Variants in RNF150 observed in about 807,000 individuals in gnomAD.
RNF150 encodes the protein ring finger protein 150.
In RNF150, 24 loss-of-function variants were observed where a neutral mutation model predicts 39.3. The ratio of observed to expected loss-of-function variants is 0.61; its 90% CI spans 0.44 to 0.86. The LOEUF (loss-of-function observed/expected upper bound fraction) is 0.86, where lower values mean the gene tolerates loss of function less well. Among genes scored for constraint, RNF150 ranks in the 40% least tolerant of loss-of-function variants. The pLI is 0.00. For synonymous variants in RNF150, 255 were observed against 227.3 expected (o/e 1.12, Z -1.10); for missense variants, 502 against 587.8 (o/e 0.85, Z 1.51).
intron 1 of RNF150, among the ~76,000 whole-genome samples, chr4:141,211,325 G>A (rs1331835569): frequency 6.6e-6 from 1 of 152,058 alleles, no homozygotes; most frequent in African/African-American, 2.4e-5. Flanking sequence ...AGAAGCAGAT[G>A]GTATTAGATA....
chr4:141,168,246 T>C (rs941590471), intron 1 of RNF150, among the ~76,000 whole-genome samples: 1 of 152,196 alleles, frequency 6.6e-6, no homozygotes, highest in Non-Finnish European at 1.5e-5. Context: ...CACAATGAGA[T>C]ACCATCTCAC....
In RNF150 at chr4:140,868,120, T is replaced by G; in HGVS notation, c.*141A>C. On this transcript the variant is annotated 3_prime_UTR_variant, in exon 7 of 7. Transcript: ENST00000515673. ...GATTGACAAGACTTTGGATATTGCT[T>G]TTCGTCAGCATTCTTGAACGGAGCG... The G allele has an allele frequency of 1.6e-6, 1 of 614,854 alleles. No individual in the cohort carries two copies. The highest frequency in any genetic ancestry group is 2.9e-6 in the Non-Finnish European group (1 of 341,394). The allele number at this position is 614,854 out of a possible 1,614,324, so 38.1% of individuals were successfully genotyped here.
chr4:141,195,093 T>G (rs1455721334), intron 1 of RNF150, among the ~76,000 whole-genome samples: 5 of 144,012 alleles, frequency 3.5e-5, no homozygotes, highest in Admixed American at 3.4e-4. Context: ...ACATCCCCTT[T>G]CCAGATACAT....
At chr4:140,916,749 C>A (rs765405988) in intron 5 of RNF150, among the ~76,000 whole-genome samples, 2 of 152,074 alleles carry the variant, frequency 1.3e-5, no homozygotes, top group African/African-American at 2.4e-5. Context: ...GTCAGATTCA[C>A]CAAAGTTGAA....
chr4:141,053,579 G>A, intron 1 of RNF150: 1 of 589,444 alleles, frequency 1.7e-6, no homozygotes, highest in Non-Finnish European at 2.6e-6. Flanking sequence ...GATATAATGG[G>A]GAAAGAAAAT....
chr4:141,103,019 C>T (rs1206282516), intron 1 of RNF150, among the ~76,000 whole-genome samples: 1 of 152,096 alleles, frequency 6.6e-6, no homozygotes, highest in Non-Finnish European at 1.5e-5. Context: ...AACGGAGACA[C>T]CAATCACAAA....
rs1739018129 is a variant in RNF150, at chr4:141,101,716, C to CTA, written c.484+30607_484+30608dup. ...ACAAACACATGAGTAATGTGTTATG[C>CTA]TATGACTTTACAACAGCTACAACGT... On this transcript the variant is annotated intron_variant, in intron 1 of 6. Transcript: ENST00000515673. 2.0e-5 allele frequency among the ~76,000 whole-genome samples: 3 copies of CTA among 152,042 alleles called. No individual in the cohort carries two copies. In the South Asian group the frequency reaches 6.2e-4, roughly 32 times the overall value.
At chr4:141,119,584 G>T (rs1726546867) in intron 1 of RNF150, among the ~76,000 whole-genome samples, 1 of 152,156 alleles carries the variant, frequency 6.6e-6, no homozygotes, top group African/African-American at 2.4e-5. Context: ...CCAAAAGAAA[G>T]CTCCTCCTAA....
At chr4:140,972,898 A>G (rs1242056675) in intron 1 of RNF150, among the ~76,000 whole-genome samples, 2 of 152,202 alleles carry the variant, frequency 1.3e-5, no homozygotes, top group Non-Finnish European at 1.5e-5. Flanking sequence ...GAAGTTTTTC[A>G]GTTAAAATCA....
intron 6 of RNF150, among the ~76,000 whole-genome samples, chr4:140,879,808 A>C (rs902401351): frequency 6.6e-6 from 1 of 152,128 alleles, no homozygotes; most frequent in Non-Finnish European, 1.5e-5. Context: ...GGCAGAGCAA[A>C]ATCCTGTCTC....
intron 1 of RNF150, among the ~76,000 whole-genome samples, chr4:140,982,925 G>A (rs1733907155): frequency 6.6e-6 from 1 of 152,110 alleles, no homozygotes; most frequent in Non-Finnish European, 1.5e-5. Flanking sequence ...TGTTTCATAA[G>A]CATTATAGAC....
rs60157657 is a variant in RNF150, at chr4:141,203,401, T to TTATA, written c.-6+9389_-6+9392dup. Among the ~76,000 whole-genome samples, 23 of 148,538 alleles carry TTATA rather than the reference T, an allele frequency of 1.5e-4. 1 individual carries two copies. Among genetic ancestry groups the TTATA allele is most frequent in the African/African-American group, 5.5e-4 (22 of 40,186 alleles). On this transcript the variant is annotated intron_variant, in intron 1 of 7. Transcript: ENST00000420921. The stretch of plus-strand genomic sequence containing the variant: ...TTGGAGATATATAATATTGGAGATT[T>TTATA]TATATATATATATATGTGCCATATT...
intron 1 of RNF150, among the ~76,000 whole-genome samples, chr4:140,983,731 A>G (rs1052752837): frequency 1.4e-5 from 2 of 147,124 alleles, no homozygotes; most frequent in African/African-American, 2.5e-5. Context: ...TGTATGTTGT[A>G]TAACTGCCTT....
chr4:141,115,810 C>G (rs1485725716), intron 1 of RNF150, among the ~76,000 whole-genome samples: 1 of 152,110 alleles, frequency 6.6e-6, no homozygotes, highest in Non-Finnish European at 1.5e-5. Context: ...ACCAATGGAA[C>G]AGAACAGAGG....
chr4:140,969,814 T>G (rs1246712848), intron 1 of RNF150, among the ~76,000 whole-genome samples: 1 of 136,086 alleles, frequency 7.3e-6, no homozygotes, highest in Non-Finnish European at 1.5e-5. Flanking sequence ...CAGGCTGGAG[T>G]GCAGTGGCAT....
In RNF150 at chr4:141,132,614, C is replaced by T; in HGVS notation, c.195G>A (p.Ala65=). ...PGAGAAGGGG[A]ELHTEKTECG... is the part of the protein sequence containing the mutation. ...ACTCCGTCTTCTCCGTGTGCAGCTC[C>T]GCGCCGCCGCCGCCCGCCGCCCCGG... The change falls in exon 1 of 7, where the codon GCG becomes GCA. Residue 65 remains alanine (A), a synonymous_variant. Transcript: ENST00000515673. This position sits in a 1 kb window ranked among gnomAD's most constrained non-coding sequence, Gnocchi z 4.9. 6.5e-7 allele frequency: 1 copy of T among 1,537,046 alleles called. No individual in the cohort carries two copies. Among genetic ancestry groups the T allele is most frequent in the African/African-American group, 1.4e-5 (1 of 71,756 alleles).
chr4:140,883,977 T>G (rs989089360), intron 6 of RNF150, among the ~76,000 whole-genome samples: 1 of 145,262 alleles, frequency 6.9e-6, no homozygotes, highest in Non-Finnish European at 1.5e-5. Flanking sequence ...TGTACTTCAC[T>G]TTTTTTTTTT....
intron 2 of RNF150, among the ~76,000 whole-genome samples, chr4:140,963,439 G>T (rs1219695605): frequency 6.6e-6 from 1 of 151,990 alleles, no homozygotes; most frequent in African/African-American, 2.4e-5. Flanking sequence ...ATGAAATATG[G>T]CTAGTAACTG....
intron 1 of RNF150, among the ~76,000 whole-genome samples, chr4:141,084,598 G>A (rs1376765759): frequency 2.0e-5 from 3 of 152,174 alleles, no homozygotes; most frequent in Admixed American, 6.5e-5. Context: ...CCTAAAGGAC[G>A]CGCAGGCTTC....
Sources: allele counts gnomAD v4.1 joint callset (sites outside exome capture counted in the v4.1 genomes callset), GRCh38; gene constraint gnomAD v4.1.1; non-coding constraint Gnocchi (gnomAD v3.1); transcripts MANE v1.5; gene names NCBI Gene and HGNC (gene_info 2026-07-23, HGNC 2026-07-21).